Variants in ZNF493 observed in about 807,000 individuals in gnomAD.
The protein encoded by ZNF493 is zinc finger protein 493.
ZNF493 carries 11 observed loss-of-function variants against 12.2 expected under a neutral mutation model. That is an observed-to-expected ratio of 0.90 (90% confidence interval 0.57 to 1.50). ZNF493 has a LOEUF of 1.50. ZNF493 is among the 40% of genes most tolerant of loss of function. The probability of loss-of-function intolerance (pLI) is 0.00; values close to 1 mark genes in which losing one functional copy is unlikely to be tolerated. For synonymous variants in ZNF493, 286 were observed against 302.6 expected (o/e 0.95, Z 0.57); for missense variants, 950 against 906.6 (o/e 1.05, Z -0.61).
intron 3 of ZNF493, among the ~76,000 whole-genome samples, chr19:21,406,640 G>T (rs886374041): frequency 6.6e-6 from 1 of 151,816 alleles, no homozygotes; most frequent in African/African-American, 2.4e-5. Context: ...TGTTCTATTG[G>T]TTTTTATGTT....
Position 21,427,388 on chromosome 19 carries a change from A to C in ZNF493, c.*2404A>C, listed in dbSNP as rs2030880610. 6.5e-6 allele frequency: 1 copy of C among 153,972 alleles called. No individual in the cohort carries two copies. The highest frequency in any genetic ancestry group is 1.5e-5 in the Non-Finnish European group (1 of 68,040). 9.5% of individuals were successfully genotyped at this position (153,972 alleles called of 1,614,324 possible). A position where few individuals can be genotyped will look rare whatever the true frequency, so the allele number is the denominator to read the frequency against. On this transcript the variant is annotated 3_prime_UTR_variant, in exon 4 of 4. Transcript: ENST00000392288. ...TGTGCCATGCTGGTGCGCTGCACCC[A>C]CTAACTCGTCATCTAGCATTAGGTA... is the stretch of plus-strand genomic sequence containing the variant.
rs1421003143 is a variant in ZNF493, at chr19:21,424,950, T to C, written c.2291T>C (p.Ile764Thr). ...CTTAGTAGACATAAGATAATTCATA[T>C]TGGAATTCATACTGAAGAGACTGTA... ...SHLSRHKIIH[I>T]GIHTEETVQK Residue 764 changes from isoleucine (I) to threonine (T), a missense_variant, in exon 4 of 4, where the codon ATT becomes ACT. Ile to Thr is a moderately conservative substitution (Grantham distance 89). Transcript: ENST00000392288. 4.4e-6 allele frequency: 7 copies of C among 1,600,626 alleles called. No homozygotes were observed. The highest frequency in any genetic ancestry group is 6.0e-6 in the Non-Finnish European group (7 of 1,173,910).
chr19:21,401,044 A>G (rs1442853955), intron 1 of ZNF493, among the ~76,000 whole-genome samples: 1 of 152,184 alleles, frequency 6.6e-6, no homozygotes, highest in East Asian at 1.9e-4. Context: ...GTTTTCATGA[A>G]GGAATGCTTC....
In ZNF493 at chr19:21,423,307, C is replaced by T; in HGVS notation, c.648C>T (p.Gly216=). The change falls in exon 4 of 4, where the codon GGC becomes GGT. Residue 216 remains glycine (G), a synonymous_variant. Coordinates refer to ENST00000392288, the MANE Select transcript of ZNF493 (RefSeq NM_001076678.3). ...ATTCTTACCGATGTGAAGAATGTGGCAAAGCCTTTATCTGGTTTTCAACCC... is the reference window on the plus strand; with the variant it reads ...ATTCTTACCGATGTGAAGAATGTGGTAAAGCCTTTATCTGGTTTTCAACCC... ...RENSYRCEEC[G]KAFIWFSTLT... is the part of the protein sequence containing the mutation. 1 of 1,613,806 alleles carries T rather than the reference C, an allele frequency of 6.2e-7. No individual in the cohort carries two copies. Among genetic ancestry groups the T allele is most frequent in the Non-Finnish European group, 8.5e-7 (1 of 1,179,862 alleles).
chr19:21,422,670 T>G (rs930368401), intron 3 of ZNF493, among the ~76,000 whole-genome samples: 1 of 152,028 alleles, frequency 6.6e-6, no homozygotes, highest in African/African-American at 2.4e-5. Context: ...AACAAACATT[T>G]GCTTTTCCCT....
chr19:21,402,227 A>G (rs2029971562), intron 1 of ZNF493, among the ~76,000 whole-genome samples: 1 of 152,140 alleles, frequency 6.6e-6, no homozygotes, highest in Non-Finnish European at 1.5e-5. Context: ...TTGGCCTCCC[A>G]AAGTGCTGGG....
Position 21,422,788 on chromosome 19 carries a change from G to C in ZNF493, c.254-125G>C. 3 of 792,438 alleles carry C rather than the reference G, an allele frequency of 3.8e-6. No individual in the cohort carries two copies. The East Asian group carries it at 8.7e-5, about 23-fold the overall frequency. The allele number at this position is 792,438 out of a possible 1,614,324, so 49.1% of individuals were successfully genotyped here. On this transcript the variant is annotated intron_variant, in intron 3 of 3. Transcript: ENST00000392288. ...TGTTTTCATTACATATAAAGAATTA[G>C]AGCCTTTGGTATTTTGCTATGCTAT...
chr19:21,422,423 C>CTTTCTTTA (rs1555731797), intron 3 of ZNF493, among the ~76,000 whole-genome samples: 7 of 129,494 alleles, frequency 5.4e-5, no homozygotes, highest in African/African-American at 2.1e-4. Context: ...CAAGTTACTT[C>CTTTCTTTA]TTTATTTATT....
intron 1 of ZNF493, chr19:21,398,613 T>C: frequency 2.2e-6 from 1 of 455,268 alleles, no homozygotes; most frequent in Non-Finnish European, 4.5e-6. Context: ...TCCCATAAGA[T>C]GACCTGAGGT....
Position 21,425,554 on chromosome 19 carries a change from T to C in ZNF493, c.*570T>C, listed in dbSNP as rs532216752. 7 of 565,448 alleles carry C rather than the reference T, an allele frequency of 1.2e-5. No individual in the cohort carries two copies. In the African/African-American group the frequency reaches 1.4e-4, roughly 11 times the overall value. The allele number at this position is 565,448 out of a possible 1,614,324, so 35.0% of individuals were successfully genotyped here. On this transcript the variant is annotated 3_prime_UTR_variant, in exon 4 of 4. Transcript: ENST00000392288. Reference sequence around the variant, plus strand: ...GAGGAATGTGGCAAAGCCTTTAGCCTGTCCCTCCAATTTACTGCACATAAG... The same window carrying C: ...GAGGAATGTGGCAAAGCCTTTAGCCCGTCCCTCCAATTTACTGCACATAAG...
intron 3 of ZNF493, chr19:21,412,349 T>C (rs1302770834): frequency 6.6e-6 from 1 of 152,358 alleles, no homozygotes; most frequent in African/African-American, 2.4e-5. Flanking sequence ...AGAATGCCTT[T>C]AAGTGGTCTT....
At chr19:21,401,465 T>C (rs1477677337) in intron 1 of ZNF493, among the ~76,000 whole-genome samples, 5 of 152,020 alleles carry the variant, frequency 3.3e-5, no homozygotes, top group Admixed American at 1.3e-4. Context: ...ATGCTGTTTT[T>C]ACATAATGGG....
intron 3 of ZNF493, among the ~76,000 whole-genome samples, chr19:21,421,965 C>A (rs1372704460): frequency 6.6e-6 from 1 of 152,152 alleles, no homozygotes; most frequent in African/African-American, 2.4e-5. Flanking sequence ...CCTGCCACAG[C>A]CTCCTGAATA....
In ZNF493 at chr19:21,409,042, G is replaced by A. The variant is rs576765512; in HGVS notation, c.253+3186G>A. ...TGGGACTACAGGCGCCTGCAACCAC[G>A]CCTGGCTAATTTTTTGTATTTTTAG... On this transcript the variant is annotated intron_variant, in intron 3 of 3. Transcript: ENST00000392288. Among the ~76,000 whole-genome samples the A allele has an allele frequency of 2.2e-4, 34 of 151,624 alleles. No homozygotes were observed. The South Asian group carries it at 7.1e-3, about 32-fold the overall frequency.
chr19:21,424,762 T>C lies in ZNF493; in HGVS notation c.2103T>C (p.Asn701=). 6.2e-7 allele frequency: 1 copy of C among 1,613,284 alleles called. No homozygotes were observed. Among genetic ancestry groups the C allele is most frequent in the Non-Finnish European group, 8.5e-7 (1 of 1,179,590 alleles). Residue 701 remains asparagine (N), a synonymous_variant, in exon 4 of 4, where the codon AAT becomes AAC. Coordinates refer to ENST00000392288, the MANE Select transcript of ZNF493 (RefSeq NM_001076678.3). ...CTTTCTACCGATTCTCAAACCTTAA[T>C]ACGCATAAGATAATTCATACTGGAG... The part of the protein sequence containing the change: ...GKTFYRFSNL[N]THKIIHTGEK...
chr19:21,427,278 T>C lies in ZNF493; in HGVS notation c.*2294T>C, dbSNP rs147146793. Reference sequence around the variant, plus strand: ...TGAGAAAACTAGTATATTATTCATATATTTTACTAATTGTACTTTTTTTAT... The same window carrying C: ...TGAGAAAACTAGTATATTATTCATACATTTTACTAATTGTACTTTTTTTAT... On this transcript the variant is annotated 3_prime_UTR_variant, in exon 4 of 4. Coordinates refer to ENST00000392288, the MANE Select transcript of ZNF493 (RefSeq NM_001076678.3). The C allele has an allele frequency of 8.7e-4, 146 of 166,934 alleles. 1 individual carries two copies. The East Asian group carries it at 0.022, about 25-fold the overall frequency. 10.3% of individuals were successfully genotyped at this position (166,934 alleles called of 1,614,324 possible). A position where few individuals can be genotyped will look rare whatever the true frequency, so the allele number is the denominator to read the frequency against.
At position 21,423,708 on chromosome 19, in the gene ZNF493, G is replaced by T; in HGVS notation, c.1049G>T (p.Arg350Ile). Residue 350 changes from arginine to isoleucine, a missense_variant, in exon 4 of 4, where the codon AGA (arginine) becomes ATA (isoleucine). Transcript: ENST00000392288. ...ATTCACACTGAAGAGAAATCCCACAGATGTGAAGAATATTGCAAAGCTTAT... is the reference window on the plus strand; with the variant it reads ...ATTCACACTGAAGAGAAATCCCACATATGTGAAGAATATTGCAAAGCTTAT... ...KIIHTEEKSHRCEEYCKAYKE... is the reference protein window; with the variant it reads ...KIIHTEEKSHICEEYCKAYKE... The T allele has an allele frequency of 6.2e-7, 1 of 1,612,356 alleles. No individual in the cohort carries two copies. The highest frequency in any genetic ancestry group is 8.5e-7 in the Non-Finnish European group (1 of 1,179,604).
chr19:21,425,000 C>A lies in ZNF493; in HGVS notation c.*16C>A. The A allele has an allele frequency of 6.3e-7, 1 of 1,577,628 alleles. No individual in the cohort carries two copies. The highest frequency in any genetic ancestry group is 1.4e-5 in the African/African-American group (1 of 73,282). On this transcript the variant is annotated 3_prime_UTR_variant, in exon 4 of 4. Transcript: ENST00000392288. Reference sequence around the variant, plus strand: ...ACAAAAGTGAAGAATGTGGCAAAGGCCTTTACTGCTCCTATTCCCTTACTA... The same window carrying A: ...ACAAAAGTGAAGAATGTGGCAAAGGACTTTACTGCTCCTATTCCCTTACTA...
chr19:21,397,904 A>T (rs985111143), intron 1 of ZNF493: 2 of 152,732 alleles, frequency 1.3e-5, no homozygotes, highest in African/African-American at 4.8e-5. Context: ...CTTAATTGGC[A>T]GTTTACAGTT....
Sources: gnomAD v4.1 joint callset for allele counts (sites outside exome capture counted in the v4.1 genomes callset) on GRCh38, gnomAD v4.1.1 for gene constraint, MANE v1.5 for transcripts, NCBI Gene and HGNC (gene_info 2026-07-23, HGNC 2026-07-21) for gene names.